Variants in DYNC2H1 observed in about 807,000 individuals in gnomAD.
The protein encoded by DYNC2H1 is cytoplasmic dynein 2 heavy chain 1.
Under a neutral mutation model 570.0 loss-of-function variants are expected in DYNC2H1, and 410 were observed. The ratio of observed to expected loss-of-function variants is 0.72; its 90% CI spans 0.66 to 0.78. The LOEUF is 0.78. Ranked by LOEUF, DYNC2H1 falls within the 30% of genes least tolerant of loss-of-function variation. DYNC2H1 has a pLI of 0.00. For missense variants in DYNC2H1, 4,865 were observed against 5,046.4 expected, an observed-to-expected ratio of 0.96 and a Z score of 1.09; for synonymous variants, 1,688 against 1,677.6, an observed-to-expected ratio of 1.01 and a Z score of -0.15.
At chr11:103,384,970 C>G (rs1565548083) in intron 83 of DYNC2H1, among the ~76,000 whole-genome samples, 1 of 152,042 alleles carries the variant, frequency 6.6e-6, no homozygotes, top group Non-Finnish European at 1.5e-5. Context: ...GTATTAACAT[C>G]TAATGTCTCA....
intron 18 of DYNC2H1, 29 bp downstream of exon 18, chr11:103,143,424 A>G (rs1336816754): frequency 3.8e-6 from 6 of 1,560,218 alleles, no homozygotes; most frequent in Non-Finnish European, 5.2e-6. Flanking sequence ...GTACTTACGT[A>G]CCATAATAAT....
In DYNC2H1 at chr11:103,361,874, G is replaced by A. The variant is rs145791424; in HGVS notation, c.12156+3515G>A. On this transcript the variant is annotated intron_variant, in intron 83 of 88. Transcript: ENST00000375735. ...TAGGAATGAAATTGTTAACTAGGCC[G>A]AATAGCTTCTGAGAGGTTAAACAAA... Among the ~76,000 whole-genome samples, 585 of 152,262 alleles carry A rather than the reference G, an allele frequency of 3.8e-3. 5 individuals are homozygous for A. Among genetic ancestry groups the A allele is most frequent in the African/African-American group, 0.013 (558 of 41,558 alleles).
chr11:103,451,541 C>T (rs759141504), intron 85 of DYNC2H1, among the ~76,000 whole-genome samples: 3 of 151,952 alleles, frequency 2.0e-5, no homozygotes, highest in Admixed American at 6.6e-5. Flanking sequence ...CCATGTTGGC[C>T]AGGATGGTCT....
chr11:103,414,998 C>T lies in DYNC2H1; in HGVS notation c.12366+15126C>T, dbSNP rs1217937795. On this transcript the variant is annotated intron_variant, in intron 84 of 88. Transcript: ENST00000375735. Reference sequence around the variant, plus strand: ...TAGATTCAGTGCTATTCCCATCAAGCTACCATTGACTTTCTTCACAGAATT... The same window carrying T: ...TAGATTCAGTGCTATTCCCATCAAGTTACCATTGACTTTCTTCACAGAATT... 2.0e-5 allele frequency among the ~76,000 whole-genome samples: 3 copies of T among 152,282 alleles called. No homozygotes were observed. The East Asian group carries it at 5.8e-4, about 29-fold the overall frequency.
At chr11:103,134,496 GAGA>G in intron 15 of DYNC2H1, 77 bp downstream of exon 15, 1 of 1,147,942 alleles carries the variant, frequency 8.7e-7, no homozygotes, top group Non-Finnish European at 1.2e-6. Context: ...ATGAATTGCC[GAGA>G]AGTTCATAAA....
At chr11:103,169,792 A>G (rs772547272) in intron 32 of DYNC2H1, among the ~76,000 whole-genome samples, 3 of 152,184 alleles carry the variant, frequency 2.0e-5, no homozygotes, top group Non-Finnish European at 4.4e-5. Flanking sequence ...AAATGGGATG[A>G]TTACTGTATA....
At chr11:103,355,678 T>A (rs1245758136) in intron 82 of DYNC2H1, among the ~76,000 whole-genome samples, 1 of 152,210 alleles carries the variant, frequency 6.6e-6, no homozygotes, top group Admixed American at 6.5e-5. Flanking sequence ...GTGGGTTTCC[T>A]ACAATTTCTT....
chr11:103,453,148 G>T (rs1275817289), intron 85 of DYNC2H1, among the ~76,000 whole-genome samples: 6 of 152,008 alleles, frequency 3.9e-5, no homozygotes, highest in African/African-American at 1.4e-4. Flanking sequence ...AGTCATAGAA[G>T]GGACTAGAGG....
At chr11:103,184,848 G>A (rs1197700337) in intron 40 of DYNC2H1, 48 bp from the exon 41 acceptor site, 1 of 1,602,616 alleles carries the variant, frequency 6.2e-7, no homozygotes, top group Admixed American at 1.7e-5. Context: ...ATGTTTACTG[G>A]TTAATAGTTG....
At chr11:103,251,534 T>C (rs1864833365) in intron 65 of DYNC2H1, among the ~76,000 whole-genome samples, 1 of 152,168 alleles carries the variant, frequency 6.6e-6, no homozygotes, top group Non-Finnish European at 1.5e-5. Context: ...AGCCCCCTTT[T>C]TGTGTGTCAA....
chr11:103,125,333 A>G (rs1359214309), intron 12 of DYNC2H1, 38 bp downstream of exon 12: 3 of 992,774 alleles, frequency 3.0e-6, no homozygotes, highest in Non-Finnish European at 4.4e-6. Context: ...GCCTATTTGG[A>G]GTTCATTACG....
At chr11:103,437,190 C>A (rs1944094144) in intron 85 of DYNC2H1, among the ~76,000 whole-genome samples, 1 of 152,072 alleles carries the variant, frequency 6.6e-6, no homozygotes, top group South Asian at 2.1e-4. Flanking sequence ...TGAGATATGA[C>A]CACTTGAAAA....
At chr11:103,441,846 A>C (rs1944281749) in intron 85 of DYNC2H1, among the ~76,000 whole-genome samples, 1 of 152,126 alleles carries the variant, frequency 6.6e-6, no homozygotes, top group Non-Finnish European at 1.5e-5. Flanking sequence ...TTACATTGTT[A>C]GGTTTTCACT....
At chr11:103,171,834 C>A (rs968614970) in intron 34 of DYNC2H1, among the ~76,000 whole-genome samples, 1 of 152,010 alleles carries the variant, frequency 6.6e-6, no homozygotes, top group Non-Finnish European at 1.5e-5. Context: ...TTTTGTTTAA[C>A]CTTCAAGCAT....
intron 88 of DYNC2H1, among the ~76,000 whole-genome samples, chr11:103,471,460 C>T (rs1215665362): frequency 6.6e-6 from 1 of 152,246 alleles, no homozygotes; most frequent in Middle Eastern, 3.4e-3. Flanking sequence ...AGATAAGGTA[C>T]CTAACTTCAC....
Position 103,282,211 on chromosome 11 carries a change from A to C in DYNC2H1, c.10794A>C (p.Gly3598=), listed in dbSNP as rs1565459818. Residue 3598 remains glycine (G), a synonymous_variant, in exon 72 of 89, where the codon GGA becomes GGC. Coordinates refer to ENST00000375735, the MANE Select transcript of DYNC2H1 (RefSeq NM_001377.3). ...ATACGTTTACAGGTGTGGTTGTTGG[A>C]GACATGTTACGGAAAGCTGTAAGTT... ...EWDTFTGVVV[G]DMLRKADSQQ... 6.2e-7 allele frequency: 1 copy of C among 1,608,790 alleles called. No homozygotes were observed. Among genetic ancestry groups the C allele is most frequent in the East Asian group, 2.2e-5 (1 of 44,530 alleles).
At chr11:103,153,664 T>G (rs1860677146) in intron 22 of DYNC2H1, among the ~76,000 whole-genome samples, 156 bp downstream of exon 22, 1 of 152,054 alleles carries the variant, frequency 6.6e-6, no homozygotes, top group South Asian at 2.1e-4. Flanking sequence ...ACTGTTGTCT[T>G]AGGAGTCATA....
chr11:103,426,553 C>A (rs1227693534), intron 84 of DYNC2H1, among the ~76,000 whole-genome samples: 2 of 152,166 alleles, frequency 1.3e-5, no homozygotes, highest in Non-Finnish European at 2.9e-5. Context: ...AGTTTAAATA[C>A]TATTTAGACC....
At chr11:103,438,066 T>G (rs1944124786) in intron 85 of DYNC2H1, among the ~76,000 whole-genome samples, 1 of 152,086 alleles carries the variant, frequency 6.6e-6, no homozygotes, top group Non-Finnish European at 1.5e-5. Flanking sequence ...TTAATTGTAG[T>G]GATAAAATAC....
Sources: gnomAD v4.1 joint callset for allele counts (sites outside exome capture counted in the v4.1 genomes callset) on GRCh38, gnomAD v4.1.1 for gene constraint, MANE v1.5 for transcripts, NCBI Gene and HGNC (gene_info 2026-07-23, HGNC 2026-07-21) for gene names.